Variants in USP34 observed in about 807,000 individuals in gnomAD.
The protein encoded by USP34 is ubiquitin carboxyl-terminal hydrolase 34.
A neutral mutation model predicts 460.3 loss-of-function variants in USP34; 70 were observed. The ratio of observed to expected loss-of-function variants is 0.15; its 90% confidence interval spans 0.13 to 0.19. The LOEUF (loss-of-function observed/expected upper bound fraction) is 0.19. Ranked by LOEUF, USP34 falls within the 10% of genes least tolerant of loss-of-function variation. USP34 has a pLI of 1.00. For missense variants in USP34, 3,985 were observed against 4,236.2 expected, an observed-to-expected ratio of 0.94 and a Z score of 1.65; for synonymous variants, 1,647 against 1,405.3, an observed-to-expected ratio of 1.17 and a Z score of -3.85.
chr2:61,188,798 G>A (rs1041925599), intron 79 of USP34, 89 bp from the exon 80 acceptor site: 13 of 1,565,390 alleles, frequency 8.3e-6, no homozygotes, highest in East Asian at 2.2e-5. Context: ...TTTGTTTCTA[G>A]CATTTATATT....
rs769059429 is a variant in USP34, at chr2:61,221,498, T to A, written c.7899+4A>T. 1.9e-6 allele frequency: 3 copies of A among 1,610,136 alleles called. No individual in the cohort carries two copies. ...ACATTGAAAACACCTGCTGCAAGACTTACCTCCCATATCCTCTGCAGAATA... is the reference window on the plus strand; with the variant it reads ...ACATTGAAAACACCTGCTGCAAGACATACCTCCCATATCCTCTGCAGAATA... On this transcript the variant is annotated splice_donor_region_variant and intron_variant, in intron 66 of 79. Coordinates refer to ENST00000398571, the MANE Select transcript of USP34 (RefSeq NM_014709.4).
intron 1 of USP34, among the ~76,000 whole-genome samples, chr2:61,466,433 CAAT>C (rs1396817544): frequency 3.3e-5 from 5 of 151,858 alleles, no homozygotes; most frequent in African/African-American, 4.8e-5. Flanking sequence ...CTCAAAAAAA[CAAT>C]AATATATGAT....
chr2:61,419,240 C>G (rs184402529), intron 2 of USP34, among the ~76,000 whole-genome samples: 1 of 151,862 alleles, frequency 6.6e-6, no homozygotes, highest in African/African-American at 2.4e-5. Context: ...AGGCTGGTCT[C>G]GAACTCCTAG....
chr2:61,355,582 A>G (rs2839831), intron 10 of USP34, among the ~76,000 whole-genome samples: 24,095 of 152,022 alleles, frequency 0.16, 2,241 homozygotes, highest in South Asian at 0.36. Context: ...GAAGAAAATT[A>G]AAAGGAAATC....
At chr2:61,357,947 T>C (rs573009049) in intron 10 of USP34, among the ~76,000 whole-genome samples, 140 of 152,184 alleles carry the variant, frequency 9.2e-4, no homozygotes, top group Admixed American at 2.6e-3. Flanking sequence ...TCCCAGCACT[T>C]TGGGAGGCCA....
intron 43 of USP34, among the ~76,000 whole-genome samples, chr2:61,260,899 A>T (rs1688858591): frequency 6.6e-6 from 1 of 152,202 alleles, no homozygotes; most frequent in African/African-American, 2.4e-5. Flanking sequence ...AGCAACAACA[A>T]GGGAATTTTA....
chr2:61,398,002 G>C (rs569527824), intron 3 of USP34, among the ~76,000 whole-genome samples: 2 of 152,064 alleles, frequency 1.3e-5, no homozygotes, highest in African/African-American at 2.4e-5. Context: ...GCTTGGGGGA[G>C]GGGGGTTGCA....
chr2:61,467,602 G>C (rs1695811994), intron 1 of USP34, among the ~76,000 whole-genome samples: 1 of 150,638 alleles, frequency 6.6e-6, no homozygotes, highest in Non-Finnish European at 1.5e-5. Context: ...CACATTTTGG[G>C]AGGACTGTAA....
At chr2:61,442,451 A>G (rs1694993401) in intron 1 of USP34, among the ~76,000 whole-genome samples, 1 of 152,060 alleles carries the variant, frequency 6.6e-6, no homozygotes, top group Non-Finnish European at 1.5e-5. Flanking sequence ...TGCACACACA[A>G]TGTGAATAGA....
intron 1 of USP34, among the ~76,000 whole-genome samples, chr2:61,451,269 T>C (rs1695268887): frequency 7.3e-6 from 1 of 137,868 alleles, no homozygotes; most frequent in Non-Finnish European, 1.5e-5. Context: ...TTTCACAACC[T>C]ATTTGGTTTA....
At chr2:61,340,858 CT>C (rs5831606) in intron 16 of USP34, among the ~76,000 whole-genome samples, 12,282 of 124,682 alleles carry the variant, frequency 0.099, 485 homozygotes, top group Admixed American at 0.14. Flanking sequence ...TGTGGCTTGT[CT>C]TTTTTTTTTT....
intron 53 of USP34, among the ~76,000 whole-genome samples, chr2:61,237,552 G>A (rs1023511101): frequency 2.4e-5 from 3 of 125,112 alleles, no homozygotes; most frequent in African/African-American, 9.5e-5. Flanking sequence ...TATTTTCTGT[G>A]GATTTTTTTT....
intron 1 of USP34, among the ~76,000 whole-genome samples, chr2:61,445,544 A>AC (rs1197552226): frequency 6.6e-6 from 1 of 151,616 alleles, no homozygotes; most frequent in East Asian, 1.9e-4. Flanking sequence ...CAAAAAAAAA[A>AC]AAAAAAAATT....
At chr2:61,351,354 A>T (rs940667878) in intron 10 of USP34, among the ~76,000 whole-genome samples, 1 of 152,184 alleles carries the variant, frequency 6.6e-6, no homozygotes, top group African/African-American at 2.4e-5. Flanking sequence ...GATCTATAAA[A>T]TAATAAACCA....
intron 71 of USP34, 49 bp downstream of exon 71, chr2:61,206,711 C>A: frequency 1.3e-6 from 2 of 1,596,716 alleles, no homozygotes; most frequent in Non-Finnish European, 1.7e-6. Context: ...AACCTTCTCT[C>A]TCTTTACTAG....
In USP34 at chr2:61,331,452, A is replaced by G. The variant is rs969983528; in HGVS notation, c.2835-81T>C. 4.4e-6 allele frequency: 5 copies of G among 1,131,880 alleles called. No individual in the cohort carries two copies. In the Admixed American group the frequency reaches 1.0e-4, roughly 23 times the overall value. 70.1% of individuals were successfully genotyped at this position (1,131,880 alleles called of 1,614,324 possible). A position where few individuals can be genotyped will look rare whatever the true frequency, so the allele number is the denominator to read the frequency against. ...CTATGCTATGACAGTAAATATGCAA[A>G]TCTAAAAAAAATCTTCAAATGTAAA... On this transcript the variant is annotated intron_variant, in intron 19 of 79. Coordinates refer to ENST00000398571, the MANE Select transcript of USP34 (RefSeq NM_014709.4).
rs373926724 is a variant in USP34 at position 61,232,425 on chromosome 2, A to AC, written c.7113+26_7113+27insG. ...TTGAAAGTAACTTCTTTTCCAAATA[A>AC]TTTTTTTCAAACATATTTTTCCTTA... On this transcript the variant is annotated intron_variant, in intron 58 of 79. Transcript: ENST00000398571. 53 of 1,548,762 alleles carry AC rather than the reference A, an allele frequency of 3.4e-5. No individual in the cohort carries two copies. In the African/African-American group the frequency reaches 6.7e-4, roughly 20 times the overall value.
intron 2 of USP34, among the ~76,000 whole-genome samples, 193 bp from the exon 3 acceptor site, chr2:61,406,321 C>T (rs1693869308): frequency 6.6e-6 from 1 of 151,984 alleles, no homozygotes; most frequent in African/African-American, 2.4e-5. Flanking sequence ...AGTGTAAAGT[C>T]ATCATGTTAG....
intron 48 of USP34, 110 bp from the exon 49 acceptor site, chr2:61,248,793 A>G (rs910948039): frequency 9.6e-7 from 1 of 1,038,610 alleles, no homozygotes; most frequent in African/African-American, 1.6e-5. Flanking sequence ...GTTAAGAAGT[A>G]TAGTAGTTCC....
Sources: allele counts gnomAD v4.1 joint callset (sites outside exome capture counted in the v4.1 genomes callset), GRCh38; gene constraint gnomAD v4.1.1; transcripts MANE v1.5; gene names NCBI Gene and HGNC (gene_info 2026-07-23, HGNC 2026-07-21).